The following NPEPPS variants were observed in gnomAD, a reference collection of about 807,000 sequenced individuals.
The protein encoded by NPEPPS is puromycin-sensitive aminopeptidase.
NPEPPS carries 14 observed loss-of-function variants against 115.5 expected under a neutral mutation model. The ratio of observed to expected loss-of-function variants is 0.12; its 90% CI spans 0.08 to 0.19. NPEPPS has a LOEUF of 0.19. Among genes scored for constraint, NPEPPS ranks in the 10% least tolerant of loss-of-function variants. NPEPPS has a pLI of 1.00. For synonymous variants in NPEPPS, 285 were observed against 390.6 expected, an observed-to-expected ratio of 0.73 and a Z score of 3.19; for missense variants, 523 against 1,110.8, an observed-to-expected ratio of 0.47 and a Z score of 7.52.
At chr17:47,604,304 C>A (rs910652034) in intron 16 of NPEPPS, among the ~76,000 whole-genome samples, 5 of 152,100 alleles carry the variant, frequency 3.3e-5, no homozygotes, top group Admixed American at 2.0e-4. Context: ...AAATTCCTTT[C>A]TTTTCAGTAG....
chr17:47,530,896 C>T (rs1907689744), upstream of NPEPPS, among the ~76,000 whole-genome samples: 1 of 151,710 alleles, frequency 6.6e-6, no homozygotes, highest in African/African-American at 2.4e-5. Flanking sequence ...CCCTTCCCGG[C>T]TCCTTCCAGT....
chr17:47,614,995 G>A (rs1389689361), intron 19 of NPEPPS, among the ~76,000 whole-genome samples: 1 of 151,212 alleles, frequency 6.6e-6, no homozygotes, highest in African/African-American at 2.4e-5. Flanking sequence ...TGATTAGGAT[G>A]TCTGAAAATA....
chr17:47,564,831 A>T (rs1238206754), intron 2 of NPEPPS, among the ~76,000 whole-genome samples: 2 of 152,000 alleles, frequency 1.3e-5, no homozygotes, highest in Admixed American at 6.6e-5. Context: ...GGTTTGAGAT[A>T]GATCCTTATT....
At chr17:47,616,452 G>A (rs1007451412) in intron 19 of NPEPPS, among the ~76,000 whole-genome samples, 3 of 152,166 alleles carry the variant, frequency 2.0e-5, no homozygotes, top group African/African-American at 7.2e-5. Flanking sequence ...GGGAGGCCGA[G>A]GCGGGTGTGG....
chr17:47,554,124 G>A (rs112245657), intron 2 of NPEPPS, among the ~76,000 whole-genome samples: 3 of 148,478 alleles, frequency 2.0e-5, no homozygotes, highest in Admixed American at 1.3e-4. Flanking sequence ...CACTGCAACC[G>A]CTGCCTCCTG....
intron 2 of NPEPPS, among the ~76,000 whole-genome samples, chr17:47,566,512 T>G (rs1011730592): frequency 8.0e-5 from 12 of 150,800 alleles, no homozygotes; most frequent in South Asian, 2.1e-4. Context: ...TTTGTTTTTT[T>G]TTTTTTTTGA....
At chr17:47,564,155 C>G (rs1307316509) in intron 2 of NPEPPS, among the ~76,000 whole-genome samples, 2 of 152,078 alleles carry the variant, frequency 1.3e-5, no homozygotes, top group Non-Finnish European at 2.9e-5. Context: ...CTCCTGACCT[C>G]AAGTGACCCT....
intron 17 of NPEPPS, among the ~76,000 whole-genome samples, chr17:47,607,763 AG>A (rs1913602568): frequency 6.6e-6 from 1 of 152,212 alleles, no homozygotes; most frequent in South Asian, 2.1e-4. Flanking sequence ...GTGGAAAGAA[AG>A]AGAAGTGTCA....
At chr17:47,525,919 C>A (rs1597797996) in intron 1 of NPEPPS, among the ~76,000 whole-genome samples, 1 of 152,106 alleles carries the variant, frequency 6.6e-6, no homozygotes, top group East Asian at 1.9e-4. Flanking sequence ...TAAATTTAAA[C>A]ACAATTATAG....
At chr17:47,539,613 A>C (rs958507851) in intron 1 of NPEPPS, among the ~76,000 whole-genome samples, 3 of 152,128 alleles carry the variant, frequency 2.0e-5, no homozygotes, top group Non-Finnish European at 2.9e-5. Flanking sequence ...TTCTTTCTTC[A>C]GGTAGGTGCG....
At position 47,619,723 on chromosome 17, in the gene NPEPPS, C is replaced by A; in HGVS notation, c.2560-14C>A. On this transcript the variant is annotated splice_polypyrimidine_tract_variant and intron_variant, in intron 21 of 22. Transcript: ENST00000322157. ...TCTTGGTTTCACTTACTGTTTAAAACCATTGTTTTGCAGCTATCAGTTGAG... is the reference window on the plus strand; with the variant it reads ...TCTTGGTTTCACTTACTGTTTAAAAACATTGTTTTGCAGCTATCAGTTGAG... 1 of 1,612,204 alleles carries A rather than the reference C, an allele frequency of 6.2e-7. No homozygotes were observed.
chr17:47,553,352 G>A (rs540949358), intron 2 of NPEPPS, among the ~76,000 whole-genome samples: 1 of 149,810 alleles, frequency 6.7e-6, no homozygotes, highest in Non-Finnish European at 1.5e-5. Context: ...CAGCCTGGGG[G>A]ACAAGAGACT....
intron 19 of NPEPPS, among the ~76,000 whole-genome samples, chr17:47,617,214 T>C (rs1914263020): frequency 6.6e-6 from 1 of 152,206 alleles, no homozygotes; most frequent in Admixed American, 6.5e-5. Context: ...TTTTATTTTT[T>C]TCTTTATGCT....
intron 8 of NPEPPS, 130 bp downstream of exon 8, chr17:47,586,528 C>A: frequency 1.4e-6 from 1 of 734,018 alleles, no homozygotes; most frequent in Non-Finnish European, 2.3e-6. Context: ...TCCCCCACTT[C>A]CGTGCACATT....
chr17:47,536,750 T>G (rs1173743206), intron 1 of NPEPPS, among the ~76,000 whole-genome samples: 1 of 139,306 alleles, frequency 7.2e-6, no homozygotes, highest in Non-Finnish European at 1.5e-5. Context: ...TTGCTCTTGT[T>G]GCCCAGGCTG....
intron 1 of NPEPPS, among the ~76,000 whole-genome samples, chr17:47,543,164 G>C (rs968996748): frequency 9.8e-5 from 14 of 142,184 alleles, no homozygotes; most frequent in African/African-American, 3.1e-4. Flanking sequence ...AAAAAAAAAA[G>C]AAAAATGCAC....
At position 47,531,376 on chromosome 17, in the gene NPEPPS, C is replaced by T. The variant is rs756200893; in HGVS notation, c.76C>T (p.Leu26Phe). The T allele has an allele frequency of 1.3e-6, 2 of 1,540,484 alleles. No homozygotes were observed. Among genetic ancestry groups the T allele is most frequent in the South Asian group, 2.4e-5 (2 of 83,690 alleles). Residue 26 changes from leucine to phenylalanine, a missense_variant, in exon 1 of 23, where the codon CTT becomes TTT. Leu to Phe is a conservative substitution (Grantham distance 22). Around this residue, in one of 4 missense-constraint regions of NPEPPS, gnomAD observed 144 missense variants for 512.4 expected, o/e 0.28. Coordinates refer to ENST00000322157, the MANE Select transcript of NPEPPS (RefSeq NM_006310.4). ...CGGCCCTCCGCCTCCTCCCCTCCTCCTTCTCGTCTTCAGCCGCTCCTCTCG... is the reference window on the plus strand; with the variant it reads ...CGGCCCTCCGCCTCCTCCCCTCCTCTTTCTCGTCTTCAGCCGCTCCTCTCG... The part of the protein sequence containing the change: ...FLGPPPPPLL[L>F]LVFSRSSRRR...
intron 2 of NPEPPS, among the ~76,000 whole-genome samples, chr17:47,547,395 G>T (rs1327745462): frequency 2.0e-5 from 3 of 151,188 alleles, no homozygotes; most frequent in Non-Finnish European, 4.4e-5. Context: ...CACCCAGGCT[G>T]GGGGGCAGTG....
At chr17:47,607,062 G>A (rs374293859) in intron 17 of NPEPPS, among the ~76,000 whole-genome samples, 11 of 151,912 alleles carry the variant, frequency 7.2e-5, no homozygotes, top group African/African-American at 1.7e-4. Context: ...GTGTGGTGGC[G>A]GGTGCCTCTC....
Sources: gnomAD v4.1 joint callset for allele counts (sites outside exome capture counted in the v4.1 genomes callset) on GRCh38, gnomAD v4.1.1 for gene constraint, gnomAD v4.1.1 regional missense constraint, MANE v1.5 for transcripts, NCBI Gene and HGNC (gene_info 2026-07-23, HGNC 2026-07-21) for gene names.